Variants in SENP1 observed in about 807,000 individuals in gnomAD.
SENP1 encodes the protein SUMO specific peptidase 1.
A neutral mutation model predicts 93.0 loss-of-function variants in SENP1; 21 were observed. The ratio of observed to expected loss-of-function variants is 0.23; its 90% CI spans 0.16 to 0.33. SENP1 has a LOEUF of 0.33. Among genes scored for constraint, SENP1 ranks in the 10% least tolerant of loss-of-function variants. The probability of loss-of-function intolerance (pLI) is 1.00; values close to 1 mark genes in which losing one functional copy is unlikely to be tolerated. For missense variants in SENP1, 591 were observed against 758.7 expected (o/e 0.78, Z 2.60); for synonymous variants, 256 against 259.6 (o/e 0.99, Z 0.13).
intron 13 of SENP1, among the ~76,000 whole-genome samples, chr12:48,053,758 T>G (rs1565738021): frequency 6.6e-6 from 1 of 152,204 alleles, no homozygotes; most frequent in African/African-American, 2.4e-5. Flanking sequence ...CAGTCTGCTA[T>G]GTAGATTCTA....
At chr12:48,071,638 A>G in intron 9 of SENP1, 29 bp downstream of exon 9, 5 of 1,493,426 alleles carry the variant, frequency 3.3e-6, no homozygotes, top group Non-Finnish European at 4.6e-6. Flanking sequence ...TAATTAATTA[A>G]TAAAGAACAA....
intron 16 of SENP1, 86 bp downstream of exon 16, chr12:48,046,892 G>C: frequency 1.2e-6 from 1 of 843,592 alleles, no homozygotes; most frequent in Non-Finnish European, 2.0e-6. Flanking sequence ...ACGAACACAG[G>C]TGGTCCCTGG....
At chr12:48,074,897 A>C in intron 6 of SENP1, 104 bp from the exon 7 acceptor site, 1 of 728,194 alleles carries the variant, frequency 1.4e-6, no homozygotes, top group Non-Finnish European at 2.3e-6. Context: ...AAGCTCAGGC[A>C]GAATCCTTAA....
intron 6 of SENP1, among the ~76,000 whole-genome samples, chr12:48,078,525 T>C (rs796710430): frequency 1.8e-4 from 28 of 151,620 alleles, no homozygotes; most frequent in African/African-American, 6.0e-4. Context: ...GACAATCTTA[T>C]TTCTTTTTTT....
At chr12:48,070,626 T>A (rs1943623132) in intron 9 of SENP1, among the ~76,000 whole-genome samples, 1 of 152,130 alleles carries the variant, frequency 6.6e-6, no homozygotes, top group African/African-American at 2.4e-5. Flanking sequence ...AGTGAGAAAG[T>A]GAGGCTTGTG....
At chr12:48,088,629 C>G in intron 5 of SENP1, 172 bp downstream of exon 5, 1 of 629,732 alleles carries the variant, frequency 1.6e-6, no homozygotes, top group Non-Finnish European at 2.8e-6. Context: ...AAATTCAGCA[C>G]TAAGTAAATG....
chr12:48,085,908 C>T (rs1944828979), intron 5 of SENP1, among the ~76,000 whole-genome samples: 1 of 151,978 alleles, frequency 6.6e-6, no homozygotes, highest in Non-Finnish European at 1.5e-5. Context: ...TATGCGTGCG[C>T]CTATGCATGT....
At chr12:48,052,588 A>T (rs986771199) in intron 13 of SENP1, among the ~76,000 whole-genome samples, 1 of 152,198 alleles carries the variant, frequency 6.6e-6, no homozygotes, top group African/African-American at 2.4e-5. Context: ...ATTCACTCAC[A>T]GGAGCTAACC....
chr12:48,069,984 A>G (rs903071444), intron 9 of SENP1, among the ~76,000 whole-genome samples: 1 of 152,226 alleles, frequency 6.6e-6, no homozygotes, highest in Non-Finnish European at 1.5e-5. Context: ...TGAATTCCCA[A>G]AGCCATATAT....
intron 13 of SENP1, among the ~76,000 whole-genome samples, chr12:48,058,298 A>T (rs11168378): frequency 0.19 from 28,470 of 152,074 alleles, 3,237 homozygotes; most frequent in African/African-American, 0.32. Context: ...TGTGGCTCAC[A>T]TTATATTTCT....
intron 5 of SENP1, chr12:48,085,035 T>C (rs1944756638): frequency 1.7e-6 from 2 of 1,158,174 alleles, no homozygotes; most frequent in Non-Finnish European, 1.2e-6. Context: ...TCTGGTGCTC[T>C]GGGGTGAGCT....
intron 4 of SENP1, among the ~76,000 whole-genome samples, chr12:48,094,942 C>G (rs1489719438): frequency 6.6e-6 from 1 of 152,058 alleles, no homozygotes; most frequent in Non-Finnish European, 1.5e-5. Flanking sequence ...ACCTATCAAA[C>G]CAGATTTCAG....
chr12:48,092,065 G>A (rs1945258471), intron 4 of SENP1, among the ~76,000 whole-genome samples: 1 of 152,110 alleles, frequency 6.6e-6, no homozygotes, highest in African/African-American at 2.4e-5. Context: ...TGGATTGAGA[G>A]GCAGATTTTT....
Position 48,045,134 on chromosome 12 carries a change from C to A in SENP1, c.*188G>T, listed in dbSNP as rs771144667. 65 of 573,318 alleles carry A rather than the reference C, an allele frequency of 1.1e-4. 2 individuals carry two copies. In the South Asian group the frequency reaches 1.4e-3, roughly 12 times the overall value. 35.5% of individuals were successfully genotyped at this position (573,318 alleles called of 1,614,324 possible). On this transcript the variant is annotated 3_prime_UTR_variant, in exon 18 of 18. Coordinates refer to ENST00000549518, the MANE Select transcript of SENP1 (RefSeq NM_001267594.2). The stretch of plus-strand genomic sequence containing the variant: ...CTTTCACAGCACCAAAGTTTCTTTG[C>A]AAAAATAGTATCTGAGATACAAAAG...
chr12:48,103,073 T>C (rs1473015169), intron 1 of SENP1, among the ~76,000 whole-genome samples: 1 of 152,156 alleles, frequency 6.6e-6, no homozygotes, highest in African/African-American at 2.4e-5. Flanking sequence ...ACTAATATAT[T>C]AGCAACACTT....
In SENP1 at chr12:48,083,719, G is replaced by A; in HGVS notation, c.424C>T (p.His142Tyr). Residue 142 changes from histidine to tyrosine, a missense_variant, in exon 6 of 18, where the codon CAT (histidine) becomes TAT (tyrosine). Physicochemically the swap from His to Tyr is moderately conservative, Grantham distance 83. Transcript: ENST00000549518. ...AAAGATTTTTCATATGCAGATACATGGCAGTGATGGTTTGACTTTCCCGCA... is the reference window on the plus strand; with the variant it reads ...AAAGATTTTTCATATGCAGATACATAGCAGTGATGGTTTGACTTTCCCGCA... ...SFAGKSNHHC[H>Y]VSAYEKSFPI... The A allele has an allele frequency of 6.2e-7, 1 of 1,612,396 alleles. No individual in the cohort carries two copies. The highest frequency in any genetic ancestry group is 8.5e-7 in the Non-Finnish European group (1 of 1,179,218).
chr12:48,045,872 C>T (rs989454834), intron 17 of SENP1, among the ~76,000 whole-genome samples: 1 of 152,182 alleles, frequency 6.6e-6, no homozygotes, highest in Non-Finnish European at 1.5e-5. Context: ...TAATCTCAAT[C>T]CACTTTGGTC....
chr12:48,089,151 A>G, intron 4 of SENP1, 191 bp from the exon 5 acceptor site: 2 of 1,564,930 alleles, frequency 1.3e-6, no homozygotes, highest in Non-Finnish European at 1.7e-6. Flanking sequence ...TAATTGATTC[A>G]GCCATACTAA....
intron 13 of SENP1, among the ~76,000 whole-genome samples, chr12:48,050,125 G>C (rs1941686768): frequency 6.6e-6 from 1 of 152,182 alleles, no homozygotes; most frequent in Non-Finnish European, 1.5e-5. Flanking sequence ...GCCAGCTGAG[G>C]TCAGGCCAGT....
Sources: gnomAD v4.1 joint callset for allele counts (sites outside exome capture counted in the v4.1 genomes callset) on GRCh38, gnomAD v4.1.1 for gene constraint, MANE v1.5 for transcripts, NCBI Gene and HGNC (gene_info 2026-07-23, HGNC 2026-07-21) for gene names.